IGF1R: variants seen among roughly 807,000 people sequenced by gnomAD.
The protein encoded by IGF1R is insulin-like growth factor 1 receptor.
A neutral mutation model predicts 144.6 loss-of-function variants in IGF1R; 44 were observed. The ratio of observed to expected loss-of-function variants is 0.30; its 90% confidence interval spans 0.24 to 0.39. IGF1R has a LOEUF of 0.39. IGF1R is among the 10% of genes least tolerant of loss of function. The probability of loss-of-function intolerance (pLI) is 1.00; values close to 1 mark genes in which losing one functional copy is unlikely to be tolerated. For synonymous variants in IGF1R, 795 were observed against 722.8 expected, an observed-to-expected ratio of 1.10 and a Z score of -1.60; for missense variants, 1,355 against 1,833.7, an observed-to-expected ratio of 0.74 and a Z score of 4.77.
chr15:98,685,191 C>G (rs1457642910), intron 1 of IGF1R, among the ~76,000 whole-genome samples: 1 of 152,108 alleles, frequency 6.6e-6, no homozygotes, highest in Non-Finnish European at 1.5e-5. Context: ...GCAGTCCTCT[C>G]CCTCCAGCCT....
intron 2 of IGF1R, among the ~76,000 whole-genome samples, chr15:98,858,036 A>G (rs1164233608): frequency 6.6e-6 from 1 of 152,248 alleles, no homozygotes; most frequent in East Asian, 1.9e-4. Context: ...AAGACAAGCA[A>G]GTCGTCTTCT....
chr15:98,703,959 C>T (rs757872190), intron 1 of IGF1R, among the ~76,000 whole-genome samples: 13 of 152,150 alleles, frequency 8.5e-5, no homozygotes, highest in African/African-American at 1.7e-4. Flanking sequence ...GCTTTTGGAG[C>T]ACTGACATGA....
In IGF1R at chr15:98,916,879, AC is replaced by A. The variant is rs777456680; in HGVS notation, c.2201+6del. The A allele has an allele frequency of 2.5e-6, 4 of 1,613,674 alleles. No individual in the cohort carries two copies. The highest frequency in any genetic ancestry group is 3.4e-6 in the Non-Finnish European group (4 of 1,179,774). ...CACAACTCCATCTTCGTGCCCAGGT[AC>A]CCAGCTCATGTGAAATTTCAGTTGG... On this transcript the variant is annotated splice_donor_region_variant and intron_variant, in intron 10 of 20. Coordinates refer to ENST00000650285, the MANE Select transcript of IGF1R (RefSeq NM_000875.5).
chr15:98,948,988 T>A (rs2016664977), intron 20 of IGF1R, among the ~76,000 whole-genome samples: 1 of 152,214 alleles, frequency 6.6e-6, no homozygotes, highest in Admixed American at 6.5e-5. Context: ...CTGTGAAATG[T>A]TTGGCCAGAG....
intron 2 of IGF1R, among the ~76,000 whole-genome samples, chr15:98,723,824 A>T (rs2054298471): frequency 6.6e-6 from 1 of 152,232 alleles, no homozygotes; most frequent in Non-Finnish European, 1.5e-5. Context: ...AGGCATTTAG[A>T]TTTTTTTTTA....
intron 1 of IGF1R, chr15:98,651,012 A>C (rs931742265): frequency 2.0e-6 from 2 of 985,186 alleles, no homozygotes; most frequent in Admixed American, 6.2e-5. Context: ...TCAAGATGGT[A>C]GGGTAATTTG....
chr15:98,816,198 C>G (rs1413436549), intron 2 of IGF1R, among the ~76,000 whole-genome samples: 4 of 152,200 alleles, frequency 2.6e-5, no homozygotes, highest in Non-Finnish European at 5.9e-5. Context: ...GTTTTCCTGT[C>G]TCTTTGAGGT....
At chr15:98,773,403 T>C (rs2055639080) in intron 2 of IGF1R, among the ~76,000 whole-genome samples, 1 of 152,166 alleles carries the variant, frequency 6.6e-6, no homozygotes, top group Admixed American at 6.5e-5. Flanking sequence ...ATCAGTTCCT[T>C]GAGGGGAAGT....
chr15:98,946,006 TGATGATGAC>T (rs1349226119), intron 19 of IGF1R, among the ~76,000 whole-genome samples: 96 of 151,910 alleles, frequency 6.3e-4, no homozygotes, highest in African/African-American at 1.0e-3. Flanking sequence ...GCGGGGATGA[TGATGATGAC>T]GATGATGACG....
In IGF1R at chr15:98,964,003, G is replaced by T. The variant is rs1255698184; in HGVS notation, c.*6561G>T. The stretch of plus-strand genomic sequence containing the variant: ...TCAACTTTTCATTTGGATGTTTGGC[G>T]TTGCACACACACATCCACCGGTGGA... On this transcript the variant is annotated 3_prime_UTR_variant, in exon 21 of 21. Coordinates refer to ENST00000650285, the MANE Select transcript of IGF1R (RefSeq NM_000875.5). The T allele has an allele frequency of 4.3e-6, 1 of 232,952 alleles. No individual in the cohort carries two copies. The highest frequency in any genetic ancestry group is 2.2e-5 in the African/African-American group (1 of 45,264). 14.4% of individuals were successfully genotyped at this position (232,952 alleles called of 1,614,324 possible).
intron 2 of IGF1R, among the ~76,000 whole-genome samples, chr15:98,744,682 C>T (rs2141321582): frequency 6.6e-6 from 1 of 151,930 alleles, no homozygotes; most frequent in East Asian, 1.9e-4. Context: ...CAGGCCAAAG[C>T]ACAGATGGAG....
chr15:98,920,035 G>A (rs971046631), intron 10 of IGF1R, among the ~76,000 whole-genome samples: 3 of 152,178 alleles, frequency 2.0e-5, no homozygotes, highest in Non-Finnish European at 2.9e-5. Flanking sequence ...GTCAATATTC[G>A]CAGTAAATGC....
chr15:98,728,755 CCT>C (rs1220407719), intron 2 of IGF1R, among the ~76,000 whole-genome samples: 4 of 152,224 alleles, frequency 2.6e-5, no homozygotes, highest in Admixed American at 1.3e-4. Flanking sequence ...TGGTGATCAC[CCT>C]CTCTGTAAGT....
intron 2 of IGF1R, among the ~76,000 whole-genome samples, chr15:98,716,345 C>G (rs566602557): frequency 3.3e-5 from 5 of 152,140 alleles, no homozygotes; most frequent in Non-Finnish European, 7.4e-5. Flanking sequence ...CTCTTTGATC[C>G]TAGTACATAC....
At chr15:98,936,744 C>T (rs528182565) in intron 17 of IGF1R, among the ~76,000 whole-genome samples, 1 of 152,024 alleles carries the variant, frequency 6.6e-6, no homozygotes. Context: ...TGTTTGGGGC[C>T]AAGTGTGGAC....
chr15:98,820,466 G>A (rs1459061888), intron 2 of IGF1R, among the ~76,000 whole-genome samples: 1 of 152,082 alleles, frequency 6.6e-6, no homozygotes, highest in Non-Finnish European at 1.5e-5. Flanking sequence ...AATACTCAGG[G>A]TCATCACTGT....
At chr15:98,776,055 T>G (rs1046029793) in intron 2 of IGF1R, among the ~76,000 whole-genome samples, 1 of 152,218 alleles carries the variant, frequency 6.6e-6, no homozygotes, top group Admixed American at 6.5e-5. Context: ...TTGCACATCC[T>G]TTAAGCAGCT....
intron 18 of IGF1R, among the ~76,000 whole-genome samples, chr15:98,942,124 A>G (rs920440774): frequency 3.9e-5 from 6 of 152,082 alleles, no homozygotes; most frequent in Admixed American, 3.3e-4. Context: ...TGTCATCATG[A>G]ATTGTTACCC....
In IGF1R at chr15:98,961,227, C is replaced by T. The variant is rs764805184; in HGVS notation, c.*3785C>T. 1 of 233,674 alleles carries T rather than the reference C, an allele frequency of 4.3e-6. No homozygotes were observed. The highest frequency in any genetic ancestry group is 2.2e-5 in the African/African-American group (1 of 45,474). The allele number at this position is 233,674 out of a possible 1,614,324, so 14.5% of individuals were successfully genotyped here. On this transcript the variant is annotated 3_prime_UTR_variant, in exon 21 of 21. Transcript: ENST00000650285. ...GAATAACGGCCTCTCCTCTCGTGCA[C>T]ATACCTACCGGTTTCCACAACTGGA...
Sources: allele counts gnomAD v4.1 joint callset (sites outside exome capture counted in the v4.1 genomes callset), GRCh38; gene constraint gnomAD v4.1.1; transcripts MANE v1.5; gene names NCBI Gene and HGNC (gene_info 2026-07-23, HGNC 2026-07-21).